The following CTIF variants were observed in gnomAD, a reference collection of about 807,000 sequenced individuals.
CTIF encodes cap binding complex dependent translation initiation factor.
Under a neutral mutation model 66.0 loss-of-function variants are expected in CTIF, and 21 were observed. The ratio of observed to expected loss-of-function variants is 0.32; its 90% CI spans 0.23 to 0.46. CTIF has a LOEUF of 0.46. CTIF is among the 20% of genes least tolerant of loss of function. The probability of loss-of-function intolerance (pLI) is 1.00; values close to 1 mark genes in which losing one functional copy is unlikely to be tolerated. For synonymous variants in CTIF, 345 were observed against 326.4 expected, an observed-to-expected ratio of 1.06 and a Z score of -0.62; for missense variants, 739 against 812.7, an observed-to-expected ratio of 0.91 and a Z score of 1.10.
At position 48,625,440 on chromosome 18, in the gene CTIF, TG is replaced by T. The variant is rs1457750337; in HGVS notation, c.180+5697del. Among the ~76,000 whole-genome samples the T allele has an allele frequency of 3.3e-5, 5 of 152,238 alleles. No homozygotes were observed. In the East Asian group the frequency reaches 9.6e-4, roughly 29 times the overall value. On this transcript the variant is annotated intron_variant, in intron 2 of 11. Coordinates refer to ENST00000256413, the MANE Select transcript of CTIF (RefSeq NM_014772.3). ...CAAGTCCTTTATGCATACATTATCA[TG>T]GTACATAAGAATTCAAATATTAACA...
intron 1 of CTIF, among the ~76,000 whole-genome samples, chr18:48,593,387 T>C (rs1295966791): frequency 7.1e-6 from 1 of 141,410 alleles, no homozygotes; most frequent in East Asian, 2.0e-4. Flanking sequence ...TTTTTTTTTC[T>C]TTTTTTTTTT....
At position 48,761,735 on chromosome 18, in the gene CTIF, G is replaced by A; in HGVS notation, c.1371+46G>A. 1.3e-6 allele frequency: 2 copies of A among 1,558,000 alleles called. No homozygotes were observed. Among genetic ancestry groups the A allele is most frequent in the South Asian group, 2.4e-5 (2 of 84,824 alleles). On this transcript the variant is annotated intron_variant, in intron 9 of 11. Coordinates refer to ENST00000256413, the MANE Select transcript of CTIF (RefSeq NM_014772.3). This position sits in a 1 kb window ranked among gnomAD's most constrained non-coding sequence, Gnocchi z 4.2. ...ACCGCCCCGCGCCCCCTGCCCCTCT[G>A]CGTTCGGTGAGTTATTCCTAGCGAG...
At chr18:48,776,717 A>AG (rs909398008) in intron 9 of CTIF, among the ~76,000 whole-genome samples, 7 of 152,240 alleles carry the variant, frequency 4.6e-5, no homozygotes, top group African/African-American at 1.7e-4. Context: ...GAGCCTGTGA[A>AG]GGTTGCAAGG....
At chr18:48,646,929 A>T (rs1164326568) in intron 3 of CTIF, among the ~76,000 whole-genome samples, 2 of 149,572 alleles carry the variant, frequency 1.3e-5, no homozygotes, top group Non-Finnish European at 3.0e-5. Context: ...AAAAAAACGA[A>T]ACCTGCAAGT....
chr18:48,602,539 C>T (rs550559144), intron 1 of CTIF, among the ~76,000 whole-genome samples: 1 of 152,290 alleles, frequency 6.6e-6, no homozygotes, highest in East Asian at 1.9e-4. Context: ...CAGTTGATGA[C>T]TTTGCTTTCT....
At chr18:48,819,026 T>C (rs1725741474) in intron 10 of CTIF, among the ~76,000 whole-genome samples, 1 of 152,172 alleles carries the variant, frequency 6.6e-6, no homozygotes, top group Admixed American at 6.5e-5. Flanking sequence ...ATGAGTGTTT[T>C]TGAAGCATCC....
rs944064043 is a variant in CTIF at position 48,625,326 on chromosome 18, C to A, written c.180+5581C>A. 3 of 489,066 alleles carry A rather than the reference C, an allele frequency of 6.1e-6. No homozygotes were observed. In the Admixed American group the frequency reaches 1.9e-4, roughly 31 times the overall value. The allele number at this position is 489,066 out of a possible 1,614,324, so 30.3% of individuals were successfully genotyped here. On this transcript the variant is annotated intron_variant, in intron 2 of 11. Coordinates refer to ENST00000256413, the MANE Select transcript of CTIF (RefSeq NM_014772.3). Reference sequence around the variant, plus strand: ...TTTAAAAAATGTATTCTAAATTATACAAGTACTTTATGCATACATTCCCAT... The same window carrying A: ...TTTAAAAAATGTATTCTAAATTATAAAAGTACTTTATGCATACATTCCCAT...
At position 48,758,283 on chromosome 18, in the gene CTIF, G is replaced by A; in HGVS notation, c.949G>A (p.Gly317Arg). 1 of 1,613,380 alleles carries A rather than the reference G, an allele frequency of 6.2e-7. No individual in the cohort carries two copies. The highest frequency in any genetic ancestry group is 2.2e-5 in the East Asian group (1 of 44,872). Reference protein sequence around the residue: ...ASERLPPQQSGGPEVETKRKD... With the variant: ...ASERLPPQQSRGPEVETKRKD... ...TGAGCGGCTGCCCCCACAGCAGTCA[G>A]GGGGGCCAGAGGTTGAGACAAAACG... Residue 317 changes from glycine (G) to arginine (R), a missense_variant, in exon 8 of 12, where the codon GGG becomes AGG. By Grantham distance (125) the Gly-to-Arg change is moderately radical (BLOSUM62 -2). This residue lies in a region of CTIF where 529 missense variants were observed against 520.3 expected (regional missense o/e 1.02). Coordinates refer to ENST00000256413, the MANE Select transcript of CTIF (RefSeq NM_014772.3).
rs1321947219 is a variant in CTIF at position 48,540,801 on chromosome 18, G to GAC, written c.-29+1489_-29+1490insAC. ...TGGGCCCCGATCCTCCGCGCGACCT[G>GAC]TCCCGCCAGCCCCCTCCTTGTCTAA... On this transcript the variant is annotated intron_variant, in intron 1 of 11. Transcript: ENST00000256413. Among the ~76,000 whole-genome samples, 7 of 152,162 alleles carry GAC rather than the reference G, an allele frequency of 4.6e-5. No homozygotes were observed. The East Asian group carries it at 1.4e-3, about 30-fold the overall frequency.
At chr18:48,793,526 G>T (rs1241171340) in intron 9 of CTIF, among the ~76,000 whole-genome samples, 1 of 152,158 alleles carries the variant, frequency 6.6e-6, no homozygotes, top group Admixed American at 6.5e-5. Context: ...TTTGTGCTCT[G>T]TATTTCTGAC....
chr18:48,708,825 C>T (rs1408469762), intron 6 of CTIF, among the ~76,000 whole-genome samples: 2 of 152,220 alleles, frequency 1.3e-5, no homozygotes, highest in Non-Finnish European at 2.9e-5. Context: ...CCTTCCATGG[C>T]CTGAGCTTCC....
chr18:48,681,096 C>T (rs1229468069), intron 6 of CTIF, among the ~76,000 whole-genome samples: 1 of 152,254 alleles, frequency 6.6e-6, no homozygotes, highest in African/African-American at 2.4e-5. Context: ...TCCAGCATTG[C>T]AGCGGCCAGG....
intron 6 of CTIF, among the ~76,000 whole-genome samples, chr18:48,677,728 C>A (rs1197538785): frequency 6.6e-6 from 1 of 152,148 alleles, no homozygotes; most frequent in East Asian, 1.9e-4. Flanking sequence ...TGCTTTATTT[C>A]TTTTGCGTCT....
intron 1 of CTIF, among the ~76,000 whole-genome samples, chr18:48,549,497 G>A (rs536882730): frequency 4.6e-5 from 7 of 152,304 alleles, no homozygotes; most frequent in Admixed American, 1.3e-4. Flanking sequence ...GGGAGTCAGC[G>A]ATCATTTCAA....
chr18:48,833,246 A>G (rs981984465), intron 10 of CTIF, among the ~76,000 whole-genome samples: 6 of 152,208 alleles, frequency 3.9e-5, no homozygotes, highest in African/African-American at 1.4e-4. Flanking sequence ...CTGGAATCCC[A>G]GGGCCAGAGT....
chr18:48,800,264 C>T (rs778262307), intron 9 of CTIF, among the ~76,000 whole-genome samples: 5 of 152,242 alleles, frequency 3.3e-5, no homozygotes, highest in Non-Finnish European at 5.9e-5. Context: ...CGTGAGTCCC[C>T]ACACTGCTGT....
chr18:48,663,704 T>C, intron 3 of CTIF, 48 bp from the exon 4 acceptor site: 1 of 1,573,218 alleles, frequency 6.4e-7, no homozygotes, highest in African/African-American at 1.3e-5. Flanking sequence ...GTTCTCAGCA[T>C]CCTGGCCGAG....
At chr18:48,656,064 T>A (rs906166749) in intron 3 of CTIF, among the ~76,000 whole-genome samples, 3 of 152,230 alleles carry the variant, frequency 2.0e-5, no homozygotes, top group Admixed American at 2.0e-4. Flanking sequence ...CGCAGCCTCA[T>A]CGCATACCCA....
intron 1 of CTIF, among the ~76,000 whole-genome samples, chr18:48,543,326 C>T (rs1297158873): frequency 6.6e-6 from 1 of 152,184 alleles, no homozygotes; most frequent in Non-Finnish European, 1.5e-5. Context: ...GCATAACTTA[C>T]CTGATAACAC....
Sources: allele counts gnomAD v4.1 joint callset (sites outside exome capture counted in the v4.1 genomes callset), GRCh38; gene constraint gnomAD v4.1.1; regional missense constraint gnomAD v4.1.1; non-coding constraint Gnocchi (gnomAD v3.1); transcripts MANE v1.5; gene names NCBI Gene and HGNC (gene_info 2026-07-23, HGNC 2026-07-21).